NRXN3: variants seen among roughly 807,000 people sequenced by gnomAD.
The protein encoded by NRXN3 is neurexin III.
Under a neutral mutation model 137.6 loss-of-function variants are expected in NRXN3, and 32 were observed. The observed-to-expected ratio is 0.23, with a 90% CI of 0.18 to 0.31. NRXN3 has a LOEUF of 0.31. NRXN3 is among the 10% of genes least tolerant of loss of function. The pLI is 1.00. For missense variants in NRXN3, 1,574 were observed against 2,062.5 expected (o/e 0.76, Z 4.59); for synonymous variants, 798 against 784.5 (o/e 1.02, Z -0.29).
At chr14:79,554,199 C>G (rs367585487) in intron 16 of NRXN3, among the ~76,000 whole-genome samples, 2 of 152,000 alleles carry the variant, frequency 1.3e-5, no homozygotes. Context: ...CAAAGGACAC[C>G]GGAGGATTCC....
At chr14:78,563,426 G>C (rs547507054) in intron 4 of NRXN3, among the ~76,000 whole-genome samples, 2 of 152,192 alleles carry the variant, frequency 1.3e-5, no homozygotes, top group Non-Finnish European at 2.9e-5. Flanking sequence ...TAGGTCTGAT[G>C]GTTGGTTGGC....
At chr14:78,894,133 G>A (rs1237848539) in intron 10 of NRXN3, among the ~76,000 whole-genome samples, 1 of 151,856 alleles carries the variant, frequency 6.6e-6, no homozygotes, top group Non-Finnish European at 1.5e-5. Context: ...CCTAAAATAA[G>A]ACAACAATGA....
intron 15 of NRXN3, among the ~76,000 whole-genome samples, chr14:79,011,499 G>A (rs533173687): frequency 2.0e-4 from 30 of 151,514 alleles, no homozygotes; most frequent in Admixed American, 1.6e-3. Context: ...TTCAGTTTGG[G>A]TTTTCTCTAT....
chr14:78,189,345 T>C (rs1246533698), intron 1 of NRXN3, among the ~76,000 whole-genome samples: 3 of 152,166 alleles, frequency 2.0e-5, no homozygotes, highest in African/African-American at 7.2e-5. Flanking sequence ...TCAGATCATG[T>C]TATTCTGCTC....
intron 10 of NRXN3, among the ~76,000 whole-genome samples, chr14:78,834,644 C>T (rs1211359458): frequency 6.6e-6 from 1 of 152,084 alleles, no homozygotes; most frequent in African/African-American, 2.4e-5. Flanking sequence ...AACAAAGCTT[C>T]GTTTTTGGAT....
In NRXN3 at chr14:79,556,445, A is replaced by T. The variant is rs184129961; in HGVS notation, c.3444+89043A>T. Among the ~76,000 whole-genome samples the T allele has an allele frequency of 2.9e-3, 443 of 152,334 alleles. 4 individuals carry two copies. The highest frequency in any genetic ancestry group is 2.0e-3 in the Non-Finnish European group (139 of 68,030). ...GAAACATGGCAAATGGATATAAACAAAAAACATATAATTCCATGCCTCTGT... is the reference window on the plus strand; with the variant it reads ...GAAACATGGCAAATGGATATAAACATAAAACATATAATTCCATGCCTCTGT... On this transcript the variant is annotated intron_variant, in intron 16 of 20. Transcript: ENST00000335750.
At chr14:79,200,131 G>A (rs1177006983) in intron 15 of NRXN3, 1 of 152,104 alleles carries the variant, frequency 6.6e-6, no homozygotes, top group Non-Finnish European at 1.5e-5. Context: ...AGAGGAAAGT[G>A]GTCATTTTCA....
chr14:78,499,508 T>C (rs374886528), intron 4 of NRXN3, among the ~76,000 whole-genome samples: 8 of 152,218 alleles, frequency 5.3e-5, no homozygotes, highest in East Asian at 3.8e-4. Flanking sequence ...TATAATGCTT[T>C]ATTAGTTATC....
intron 8 of NRXN3, among the ~76,000 whole-genome samples, chr14:78,782,485 G>A (rs1399036736): frequency 6.6e-6 from 1 of 152,148 alleles, no homozygotes; most frequent in Non-Finnish European, 1.5e-5. Flanking sequence ...CTGAGCTTTT[G>A]CCGAAAGCTT....
Position 79,639,025 on chromosome 14 carries a change from G to A in NRXN3, c.3445-24753G>A, listed in dbSNP as rs74493407. Reference sequence around the variant, plus strand: ...CTGCCCTTTCATCTCTCTGTAATACGGTTCTATGTCATGGGCCTCCTTCAC... The same window carrying A: ...CTGCCCTTTCATCTCTCTGTAATACAGTTCTATGTCATGGGCCTCCTTCAC... On this transcript the variant is annotated intron_variant, in intron 16 of 20. Transcript: ENST00000335750. Among the ~76,000 whole-genome samples the A allele has an allele frequency of 5.9e-4, 89 of 152,092 alleles. 2 individuals carry two copies. The East Asian group carries it at 0.016, about 28-fold the overall frequency.
At chr14:78,630,571 CT>C (rs2097509640) in intron 4 of NRXN3, among the ~76,000 whole-genome samples, 1 of 150,940 alleles carries the variant, frequency 6.6e-6, no homozygotes, top group Admixed American at 6.6e-5. Context: ...ATGTACTACA[CT>C]CTTCTTATTT....
intron 4 of NRXN3, among the ~76,000 whole-genome samples, chr14:78,571,783 C>T (rs1048234761): frequency 2.6e-5 from 4 of 152,186 alleles, no homozygotes; most frequent in African/African-American, 7.2e-5. Flanking sequence ...TGTGATGAGT[C>T]TGTGTTATAA....
intron 15 of NRXN3, among the ~76,000 whole-genome samples, chr14:79,188,500 A>G (rs1185287311): frequency 6.6e-6 from 1 of 152,172 alleles, no homozygotes; most frequent in Non-Finnish European, 1.5e-5. Context: ...AACCATGCAC[A>G]TGTAGTTAAT....
chr14:78,958,344 C>CT (rs1000118652), intron 11 of NRXN3, among the ~76,000 whole-genome samples: 7 of 150,216 alleles, frequency 4.7e-5, no homozygotes, highest in Non-Finnish European at 8.9e-5. Flanking sequence ...CATGCTATAT[C>CT]TTTTTTTTCT....
chr14:79,139,251 A>C (rs545663901), intron 15 of NRXN3, among the ~76,000 whole-genome samples: 1 of 152,322 alleles, frequency 6.6e-6, no homozygotes, highest in Non-Finnish European at 1.5e-5. Flanking sequence ...TTTAAAAATT[A>C]AAGACATAGT....
chr14:79,030,826 G>A (rs1046267474), intron 15 of NRXN3, among the ~76,000 whole-genome samples: 1 of 151,474 alleles, frequency 6.6e-6, no homozygotes, highest in African/African-American at 2.4e-5. Flanking sequence ...GCCTTTTGGT[G>A]TTTATCTCCC....
At chr14:78,601,804 TG>T (rs2097204348) in intron 4 of NRXN3, among the ~76,000 whole-genome samples, 1 of 152,198 alleles carries the variant, frequency 6.6e-6, no homozygotes, top group Non-Finnish European at 1.5e-5. Flanking sequence ...TCTGCCATCT[TG>T]GTCCATTTTG....
intron 15 of NRXN3, among the ~76,000 whole-genome samples, chr14:79,059,859 C>T (rs972969494): frequency 6.6e-5 from 10 of 152,342 alleles, no homozygotes; most frequent in East Asian, 3.9e-4. Flanking sequence ...ACACCAAATG[C>T]GTCCCTCTTC....
At chr14:78,188,376 G>A (rs756264034) in intron 1 of NRXN3, among the ~76,000 whole-genome samples, 3 of 152,136 alleles carry the variant, frequency 2.0e-5, no homozygotes, top group Non-Finnish European at 4.4e-5. Context: ...GTGATTCCAG[G>A]GAGGGAACTG....
Sources: gnomAD v4.1 joint callset for allele counts (sites outside exome capture counted in the v4.1 genomes callset) on GRCh38, gnomAD v4.1.1 for gene constraint, MANE v1.5 for transcripts, NCBI Gene and HGNC (gene_info 2026-07-23, HGNC 2026-07-21) for gene names.